Variants in SAMM50 observed in about 807,000 individuals in gnomAD.
SAMM50 encodes the protein SAMM50 sorting and assembly machinery component.
In SAMM50, 47 loss-of-function variants were observed where a neutral mutation model predicts 66.9. The ratio of observed to expected loss-of-function variants is 0.70; its 90% confidence interval spans 0.56 to 0.90. The LOEUF is 0.90. Ranked by LOEUF, SAMM50 falls within the 40% of genes least tolerant of loss-of-function variation. The pLI, the probability that SAMM50 is intolerant of heterozygous loss-of-function variation, is 0.00. For missense variants in SAMM50, 535 were observed against 595.3 expected (o/e 0.90, Z 1.05); for synonymous variants, 191 against 214.1 (o/e 0.89, Z 0.94).
intron 14 of SAMM50, among the ~76,000 whole-genome samples, chr22:43,990,776 G>A (rs1170944931): frequency 1.3e-5 from 2 of 152,058 alleles, no homozygotes; most frequent in African/African-American, 2.4e-5. Flanking sequence ...GGAAAGTTGG[G>A]GTGAGTGAAG....
chr22:43,968,226 C>CAAAAAAAAAAAAAAAAAAAAAGAAAAAAA (rs2050183982), intron 3 of SAMM50, among the ~76,000 whole-genome samples: 3 of 68,642 alleles, frequency 4.4e-5, no homozygotes, highest in Non-Finnish European at 5.5e-5. Context: ...AACTCTGTCT[C>CAAAAAAAAAAAAAAAAAAAAAGAAAAAAA]AAAAAAAAAA....
chr22:43,976,515 C>T (rs1430254280), intron 8 of SAMM50, among the ~76,000 whole-genome samples: 2 of 152,156 alleles, frequency 1.3e-5, no homozygotes, highest in Non-Finnish European at 2.9e-5. Flanking sequence ...TCAACTCCCA[C>T]GTAGTGAGCA....
intron 1 of SAMM50, among the ~76,000 whole-genome samples, chr22:43,962,034 G>A (rs1339761877): frequency 6.6e-6 from 1 of 151,996 alleles, no homozygotes; most frequent in Non-Finnish European, 1.5e-5. Flanking sequence ...TTATGTTTAT[G>A]TAGATGTTTC....
chr22:43,965,729 A>C (rs1294882999), intron 3 of SAMM50, among the ~76,000 whole-genome samples: 2 of 151,426 alleles, frequency 1.3e-5, no homozygotes, highest in Non-Finnish European at 2.9e-5. Context: ...CATTCTCTAC[A>C]TTTTTTTTTC....
chr22:43,963,966 G>A (rs558826164), intron 2 of SAMM50, among the ~76,000 whole-genome samples: 8 of 151,528 alleles, frequency 5.3e-5, no homozygotes, highest in East Asian at 3.9e-4. Context: ...GGAGTGCAGC[G>A]GCACAATCTT....
intron 8 of SAMM50, 57 bp downstream of exon 8, chr22:43,976,240 T>C (rs985656603): frequency 3.8e-6 from 6 of 1,562,650 alleles, no homozygotes; most frequent in Admixed American, 3.5e-5. Context: ...ATGCTATGCA[T>C]TGGGAAAACA....
chr22:43,968,487 C>T (rs114600907), intron 3 of SAMM50, among the ~76,000 whole-genome samples: 1,903 of 152,250 alleles, frequency 0.012, 40 homozygotes, highest in African/African-American at 0.044. Flanking sequence ...GTTGTTTATA[C>T]GAAGGGGATT....
At chr22:43,964,399 C>A (rs1449881212) in intron 2 of SAMM50, 53 bp from the exon 3 acceptor site, 8 of 880,836 alleles carry the variant, frequency 9.1e-6, no homozygotes, top group Non-Finnish European at 1.5e-5. Flanking sequence ...AGTCTTGACA[C>A]CTAATCTGTT....
intron 13 of SAMM50, 81 bp downstream of exon 13, chr22:43,989,338 T>TA: frequency 2.1e-5 from 27 of 1,273,782 alleles, no homozygotes; most frequent in Non-Finnish European, 2.5e-5. Context: ...GAGGTGTCTG[T>TA]CTTTTTTTTT....
At chr22:43,971,465 G>T (rs1286667592) in intron 4 of SAMM50, among the ~76,000 whole-genome samples, 2 of 152,152 alleles carry the variant, frequency 1.3e-5, no homozygotes, top group African/African-American at 4.8e-5. Flanking sequence ...GGACAGACAT[G>T]CCTCTTACAC....
intron 8 of SAMM50, 95 bp downstream of exon 8, chr22:43,976,278 G>C: frequency 6.9e-7 from 1 of 1,445,050 alleles, no homozygotes; most frequent in South Asian, 1.3e-5. Context: ...GGCTGACTGA[G>C]AAGCGTCACC....
intron 2 of SAMM50, among the ~76,000 whole-genome samples, chr22:43,963,917 A>ATTTTTT (rs1381112918): frequency 2.0e-5 from 3 of 150,110 alleles, no homozygotes; most frequent in African/African-American, 7.6e-5. Flanking sequence ...TATTTTTAAA[A>ATTTTTT]TTTTTTTTGA....
At chr22:43,991,615 A>G (rs2050325463) in intron 14 of SAMM50, among the ~76,000 whole-genome samples, 1 of 152,160 alleles carries the variant, frequency 6.6e-6, no homozygotes, top group South Asian at 2.1e-4. Context: ...ATTATAGTGT[A>G]TCTCGGTCAG....
chr22:43,963,846 G>T lies in SAMM50; in HGVS notation c.132+450G>T, dbSNP rs958881270. 8.5e-5 allele frequency among the ~76,000 whole-genome samples: 13 copies of T among 152,260 alleles called. No individual in the cohort carries two copies. In the East Asian group the frequency reaches 2.5e-3, roughly 29 times the overall value. ...GGGCCAGTTTGAGTCAGCATTTATT[G>T]TGCCACCTGAAATCCCTGCGGGGTC... On this transcript the variant is annotated intron_variant, in intron 2 of 14. Transcript: ENST00000350028.
chr22:43,962,914 T>TTA (rs2050154167), intron 1 of SAMM50, among the ~76,000 whole-genome samples: 1 of 137,324 alleles, frequency 7.3e-6, no homozygotes, highest in African/African-American at 2.9e-5. Context: ...TTTTTTTTTT[T>TTA]AGAGATGGGG....
chr22:43,979,251 G>A (rs1013565953), intron 10 of SAMM50, among the ~76,000 whole-genome samples: 2 of 152,204 alleles, frequency 1.3e-5, no homozygotes, highest in African/African-American at 2.4e-5. Context: ...GCTGCTGCCT[G>A]TGTGTAGCAA....
At chr22:43,984,071 A>C in intron 12 of SAMM50, 71 bp downstream of exon 12, 1 of 1,330,626 alleles carries the variant, frequency 7.5e-7, no homozygotes, top group Non-Finnish European at 1.0e-6. Flanking sequence ...TGTACCTGTT[A>C]TTAGCTTACA....
intron 14 of SAMM50, among the ~76,000 whole-genome samples, chr22:43,993,982 C>T (rs982210469): frequency 1.1e-4 from 17 of 152,320 alleles, no homozygotes; most frequent in East Asian, 1.9e-4. Flanking sequence ...CTTAGGAGTC[C>T]GGTCTCTGGA....
intron 1 of SAMM50, among the ~76,000 whole-genome samples, chr22:43,962,113 C>T (rs573845592): frequency 9.9e-5 from 15 of 152,226 alleles, no homozygotes; most frequent in South Asian, 2.1e-4. Flanking sequence ...TACACATATC[C>T]GACAGAACAT....
Sources: gnomAD v4.1 joint callset for allele counts (sites outside exome capture counted in the v4.1 genomes callset) on GRCh38, gnomAD v4.1.1 for gene constraint, MANE v1.5 for transcripts, NCBI Gene and HGNC (gene_info 2026-07-23, HGNC 2026-07-21) for gene names.